GABRG2: variants seen among roughly 807,000 people sequenced by gnomAD.
GABRG2 encodes the protein gamma-aminobutyric acid receptor subunit gamma-2.
In GABRG2, 16 loss-of-function variants were observed where a neutral mutation model predicts 56.4. That is an observed-to-expected ratio of 0.28 (90% CI 0.19 to 0.43). The LOEUF (loss-of-function observed/expected upper bound fraction) is 0.43. Among genes scored for constraint, GABRG2 ranks in the 20% least tolerant of loss-of-function variants. The probability of loss-of-function intolerance (pLI) is 1.00; values close to 1 mark genes in which losing one functional copy is unlikely to be tolerated. For synonymous variants in GABRG2, 208 were observed against 205.5 expected (o/e 1.01, Z -0.10); for missense variants, 327 against 582.7 (o/e 0.56, Z 4.52).
chr5:162,150,129 A>T (rs945258928), intron 8 of GABRG2: 1 of 155,122 alleles, frequency 6.4e-6, no homozygotes, highest in African/African-American at 2.4e-5. Flanking sequence ...CAAATGATTT[A>T]CTATTATATG....
At chr5:162,118,978 A>G (rs1202174413) in intron 6 of GABRG2, among the ~76,000 whole-genome samples, 1 of 152,156 alleles carries the variant, frequency 6.6e-6, no homozygotes. Flanking sequence ...AAAGTGAAAA[A>G]GGGACTTGTA....
At position 162,067,897 on chromosome 5, in the gene GABRG2, G is replaced by T. The variant is rs1011043302; in HGVS notation, c.-103G>T. ...AGTGAAGGACCTACTAGAGGCAGGT[G>T]GGGGGAGCCACCATCAGATCATAAG... On this transcript the variant is annotated 5_prime_UTR_variant, in exon 1 of 10. Coordinates refer to ENST00000639213, the MANE Select transcript of GABRG2 (RefSeq NM_198904.4). 2.5e-5 allele frequency: 20 copies of T among 802,420 alleles called. No individual in the cohort carries two copies. The highest frequency in any genetic ancestry group is 5.1e-5 in the African/African-American group (3 of 59,074). 49.7% of individuals were successfully genotyped at this position (802,420 alleles called of 1,614,324 possible).
intron 6 of GABRG2, among the ~76,000 whole-genome samples, chr5:162,121,049 C>T (rs997684613): frequency 3.3e-5 from 5 of 152,188 alleles, no homozygotes; most frequent in East Asian, 1.9e-4. Context: ...CTTATTCATG[C>T]GAATCATTAT....
chr5:162,114,407 T>C (rs534850856), intron 6 of GABRG2, among the ~76,000 whole-genome samples: 67 of 152,216 alleles, frequency 4.4e-4, no homozygotes, highest in African/African-American at 1.6e-3. Context: ...AATATTATTT[T>C]ATCTTTTAAA....
intron 7 of GABRG2, chr5:162,142,929 A>G (rs548251593): frequency 1.3e-5 from 2 of 152,014 alleles, no homozygotes; most frequent in East Asian, 1.9e-4. Flanking sequence ...TTTTACTTCT[A>G]TAGTTGGGTT....
chr5:162,132,277 G>T (rs978751004), intron 6 of GABRG2, among the ~76,000 whole-genome samples: 1 of 151,926 alleles, frequency 6.6e-6, no homozygotes, highest in East Asian at 1.9e-4. Context: ...AATTTTTAAG[G>T]AGAACAAGAT....
At chr5:162,073,195 A>G (rs1363013902) in intron 1 of GABRG2, among the ~76,000 whole-genome samples, 1 of 151,964 alleles carries the variant, frequency 6.6e-6, no homozygotes, top group East Asian at 1.9e-4. Flanking sequence ...CAATAACATC[A>G]CTATTACATT....
At chr5:162,152,490 A>G (rs745520284) in intron 9 of GABRG2, 5 of 464,864 alleles carry the variant, frequency 1.1e-5, no homozygotes, top group Non-Finnish European at 4.2e-6. Context: ...GTAGGTAAAC[A>G]TTGTTGACAT....
chr5:162,133,877 C>T (rs894200434), intron 6 of GABRG2, among the ~76,000 whole-genome samples: 5 of 152,076 alleles, frequency 3.3e-5, no homozygotes, highest in African/African-American at 7.2e-5. Flanking sequence ...TAAAGCTATC[C>T]GCCAAGAGAA....
rs564876405 is a variant in GABRG2, at chr5:162,120,594, C to T, written c.769+16568C>T. 1.1e-3 allele frequency among the ~76,000 whole-genome samples: 160 copies of T among 152,140 alleles called. 2 individuals carry two copies. The highest frequency in any genetic ancestry group is 3.5e-3 in the African/African-American group (145 of 41,534). ...TGGATGCAGCATCAGATAATAGAGA[C>T]GGCATGTGAGCTCTCATGCCACCTC... On this transcript the variant is annotated intron_variant, in intron 6 of 9. Transcript: ENST00000639213.
chr5:162,112,514 T>G (rs1367240283), intron 6 of GABRG2, among the ~76,000 whole-genome samples: 1 of 152,214 alleles, frequency 6.6e-6, no homozygotes, highest in Admixed American at 6.5e-5. Context: ...CTATTTGATG[T>G]AAGTGAATGA....
At chr5:162,147,875 C>T (rs1026884001) in intron 7 of GABRG2, among the ~76,000 whole-genome samples, 5 of 152,146 alleles carry the variant, frequency 3.3e-5, no homozygotes, top group African/African-American at 1.2e-4. Flanking sequence ...AAGATGCCTC[C>T]ACTCAGGATT....
At position 162,101,266 on chromosome 5, in the gene GABRG2, T is replaced by C. The variant is rs755215653; in HGVS notation, c.580T>C (p.Leu194=). 3 of 1,611,286 alleles carry C rather than the reference T, an allele frequency of 1.9e-6. No homozygotes were observed. Among genetic ancestry groups the C allele is most frequent in the Non-Finnish European group, 2.5e-6 (3 of 1,177,692 alleles). ...LTIDAECQLQ[L]HNFPMDEHSC... is the part of the protein sequence containing the mutation. ...AATTGATGCTGAGTGCCAATTACAA[T>C]TGCACAACTTTCCAATGGATGAACA... is the stretch of plus-strand genomic sequence containing the variant. Residue 194 remains leucine, a synonymous_variant, in exon 5 of 10, where the codon TTG becomes CTG. Transcript: ENST00000639213.
At chr5:162,142,968 G>A (rs1764696366) in intron 7 of GABRG2, 1 of 150,998 alleles carries the variant, frequency 6.6e-6, no homozygotes, top group Non-Finnish European at 1.5e-5. Flanking sequence ...AGGTTTTCTT[G>A]AGTAACTTTT....
Position 162,149,295 on chromosome 5 carries a change from T to C in GABRG2, c.1110T>C (p.Asp370=), listed in dbSNP as rs201824364. 4.3e-6 allele frequency: 7 copies of C among 1,614,012 alleles called. No homozygotes were observed. The African/African-American group carries it at 5.3e-5, about 12-fold the overall frequency. ...ACCGGAAACCAAGCAAGGACAAAGATAAAAAGAAGAAAAACCCTGTATGTA... is the reference window on the plus strand; with the variant it reads ...ACCGGAAACCAAGCAAGGACAAAGACAAAAAGAAGAAAAACCCTGTATGTA... ...VSNRKPSKDK[D]KKKKNPLLRM... The change falls in exon 8 of 10, where the codon GAT becomes GAC. Residue 370 remains aspartate, a synonymous_variant. Transcript: ENST00000639213.
At position 162,097,723 on chromosome 5, in the gene GABRG2, A is replaced by G. The variant is rs1334267249; in HGVS notation, c.413A>G (p.Asn138Ser). The change falls in exon 4 of 10, where the codon AAC becomes AGC. Residue 138 changes from asparagine to serine, a missense_variant. By Grantham distance (46) the Asn-to-Ser change is conservative. Coordinates refer to ENST00000639213, the MANE Select transcript of GABRG2 (RefSeq NM_198904.4). ...AGCACCATTAAAGTCCTCCGATTGA[A>G]CAGCAACATGGTGGGGAAAATCTGG... ...FNSTIKVLRL[N>S]SNMVGKIWIP... The G allele has an allele frequency of 6.2e-7, 1 of 1,613,926 alleles. No homozygotes were observed.
intron 6 of GABRG2, among the ~76,000 whole-genome samples, chr5:162,107,766 C>T (rs905442106): frequency 3.3e-5 from 5 of 152,058 alleles, no homozygotes; most frequent in African/African-American, 7.2e-5. Context: ...GTGAGCCAGG[C>T]GTGAACACTC....
intron 7 of GABRG2, among the ~76,000 whole-genome samples, chr5:162,143,830 T>C (rs1764759919): frequency 6.6e-6 from 1 of 152,242 alleles, no homozygotes; most frequent in Non-Finnish European, 1.5e-5. Flanking sequence ...TCAGAAATGT[T>C]GGCTACTATA....
intron 3 of GABRG2, among the ~76,000 whole-genome samples, chr5:162,097,163 T>C (rs551151784): frequency 1.3e-5 from 2 of 152,288 alleles, no homozygotes; most frequent in African/African-American, 4.8e-5. Flanking sequence ...TCTGAACTTC[T>C]TTTTCCCTCT....
Sources: allele counts gnomAD v4.1 joint callset (sites outside exome capture counted in the v4.1 genomes callset), GRCh38; gene constraint gnomAD v4.1.1; transcripts MANE v1.5; gene names NCBI Gene and HGNC (gene_info 2026-07-23, HGNC 2026-07-21).